The following PHACTR2 variants were observed in gnomAD, a reference collection of about 807,000 sequenced individuals.
PHACTR2 encodes the protein chromosome 6 open reading frame 56.
PHACTR2 carries 30 observed loss-of-function variants against 76.0 expected under a neutral mutation model. That is an observed-to-expected ratio of 0.39 (90% CI 0.30 to 0.54). PHACTR2 has a LOEUF of 0.54. Ranked by LOEUF, PHACTR2 falls within the 20% of genes least tolerant of loss-of-function variation. PHACTR2 has a pLI of 0.61. For synonymous variants in PHACTR2, 292 were observed against 292.5 expected (o/e 1.00, Z 0.02); for missense variants, 696 against 781.1 (o/e 0.89, Z 1.30).
intron 1 of PHACTR2, among the ~76,000 whole-genome samples, chr6:143,692,440 G>C (rs1052306135): frequency 6.6e-6 from 1 of 152,112 alleles, no homozygotes; most frequent in African/African-American, 2.4e-5. Flanking sequence ...TTTCCTAAAG[G>C]CCTCTAAACC....
At chr6:143,790,972 C>T (rs754749102) in intron 11 of PHACTR2, among the ~76,000 whole-genome samples, 15 of 152,160 alleles carry the variant, frequency 9.9e-5, no homozygotes, top group Non-Finnish European at 2.2e-4. Flanking sequence ...CCATGGCGCC[C>T]GGCCAACAAG....
At position 143,809,489 on chromosome 6, in the gene PHACTR2, G is replaced by C. The variant is rs1776132648; in HGVS notation, c.1922+2356G>C. ...GTCTACCAAAGTGTTGTGATTAAAG[G>C]CATGAGCCACTGCACCTGGCTTCTT... is the stretch of plus-strand genomic sequence containing the variant. On this transcript the variant is annotated intron_variant, in intron 12 of 12. Transcript: ENST00000440869. The surrounding 1 kb of genome is among the most constrained non-coding windows in gnomAD (Gnocchi z 4.2). 6.6e-6 allele frequency among the ~76,000 whole-genome samples: 1 copy of C among 152,046 alleles called. No homozygotes were observed. Among genetic ancestry groups the C allele is most frequent in the South Asian group, 2.1e-4 (1 of 4,824 alleles).
At chr6:143,635,316 A>ATG (rs71834478) in intron 1 of PHACTR2, among the ~76,000 whole-genome samples, 10,366 of 149,836 alleles carry the variant, frequency 0.069, 407 homozygotes, top group South Asian at 0.14. Flanking sequence ...AGCATTTAGG[A>ATG]TGTGTGTGTG....
At chr6:143,584,570 C>G (rs1293001359) in intron 1 of PHACTR2, among the ~76,000 whole-genome samples, 1 of 152,196 alleles carries the variant, frequency 6.6e-6, no homozygotes, top group Non-Finnish European at 1.5e-5. Context: ...GCCTAGAAGA[C>G]CTCAGAAGGT....
intron 2 of PHACTR2, among the ~76,000 whole-genome samples, chr6:143,737,755 T>C (rs536579477): frequency 6.6e-6 from 1 of 152,366 alleles, no homozygotes; most frequent in African/African-American, 2.4e-5. Context: ...ACTACCCATT[T>C]TCCTATCACT....
chr6:143,757,528 A>G lies in PHACTR2; in HGVS notation c.455-2873A>G, dbSNP rs1222215244. Among the ~76,000 whole-genome samples, 1 of 152,224 alleles carries G rather than the reference A, an allele frequency of 6.6e-6. No homozygotes were observed. The highest frequency in any genetic ancestry group is 2.4e-5 in the African/African-American group (1 of 41,464). On this transcript the variant is annotated intron_variant, in intron 4 of 12. Transcript: ENST00000440869. This position sits in a 1 kb window ranked among gnomAD's most constrained non-coding sequence, Gnocchi z 4.2. ...CTTGTTCTAAGTATCGTTGACCTCA[A>G]ACCTTCCAGGGCTCAAAGGAGCCAA... is the stretch of plus-strand genomic sequence containing the variant.
Position 143,610,502 on chromosome 6 carries a change from C to G in PHACTR2, c.13+2180C>G, listed in dbSNP as rs1383939827. On this transcript the variant is annotated intron_variant, in intron 1 of 11. Coordinates refer to the PHACTR2 transcript ENST00000305766. This position sits in a 1 kb window ranked among gnomAD's most constrained non-coding sequence, Gnocchi z 4.9. The stretch of plus-strand genomic sequence containing the variant: ...CCAGACCTTCTTCTAGCAAGGCTTT[C>G]TGTGTGGGAGTTTGGATAATTGACA... Among the ~76,000 whole-genome samples the G allele has an allele frequency of 6.6e-6, 1 of 152,328 alleles. No individual in the cohort carries two copies. Among genetic ancestry groups the G allele is most frequent in the African/African-American group, 2.4e-5 (1 of 41,566 alleles).
chr6:143,587,302 C>T (rs1329625552), intron 1 of PHACTR2, among the ~76,000 whole-genome samples: 1 of 152,230 alleles, frequency 6.6e-6, no homozygotes, highest in Admixed American at 6.5e-5. Context: ...ATGTTAACAT[C>T]AGGCATAGAC....
upstream of PHACTR2, among the ~76,000 whole-genome samples, chr6:143,605,338 G>A (rs928677910): frequency 6.6e-5 from 10 of 152,164 alleles, no homozygotes; most frequent in Admixed American, 5.2e-4. The surrounding 1 kb of genome is among the most constrained non-coding windows in gnomAD (Gnocchi z 5.0). Context: ...TAGGCTTATC[G>A]ATGCCTCTAC....
Position 143,750,433 on chromosome 6 carries a change from T to C in PHACTR2, c.295+1368T>C, listed in dbSNP as rs1779157694. On this transcript the variant is annotated intron_variant, in intron 3 of 12. Coordinates refer to ENST00000440869, the MANE Select transcript of PHACTR2 (RefSeq NM_001100164.2). The surrounding 1 kb of genome is among the most constrained non-coding windows in gnomAD (Gnocchi z 4.6). ...AGGCAATAGAGAAATAATATACCCA[T>C]TGAAAGCTTAACACTGGGCCATCAG... Among the ~76,000 whole-genome samples, 1 of 152,320 alleles carries C rather than the reference T, an allele frequency of 6.6e-6. No homozygotes were observed. The highest frequency in any genetic ancestry group is 6.5e-5 in the Admixed American group (1 of 15,290).
At chr6:143,665,468 A>G (rs919950506) in intron 1 of PHACTR2, among the ~76,000 whole-genome samples, 11 of 152,160 alleles carry the variant, frequency 7.2e-5, no homozygotes, top group African/African-American at 2.2e-4. Flanking sequence ...CTAATTTTCT[A>G]TTCCAAATCC....
intron 1 of PHACTR2, among the ~76,000 whole-genome samples, chr6:143,640,531 A>G (rs1483287794): frequency 6.6e-6 from 1 of 152,238 alleles, no homozygotes; most frequent in Non-Finnish European, 1.5e-5. Flanking sequence ...TGGAAGGTGA[A>G]GCAGACCTCA....
Position 143,743,291 on chromosome 6 carries a change from A to T in PHACTR2, c.215-5694A>T, listed in dbSNP as rs545331138. On this transcript the variant is annotated intron_variant, in intron 2 of 12. Coordinates refer to ENST00000440869, the MANE Select transcript of PHACTR2 (RefSeq NM_001100164.2). The surrounding 1 kb of genome is among the most constrained non-coding windows in gnomAD (Gnocchi z 5.0). The stretch of plus-strand genomic sequence containing the variant: ...AGAAGTAAAGTTTGACTTTAACACC[A>T]GGCTTGCAAAAAAGAGATGGAAGGA... Among the ~76,000 whole-genome samples the T allele has an allele frequency of 1.3e-5, 2 of 152,358 alleles. No individual in the cohort carries two copies. The highest frequency in any genetic ancestry group is 3.9e-4 in the East Asian group (2 of 5,192).
intron 1 of PHACTR2, among the ~76,000 whole-genome samples, chr6:143,702,672 G>A (rs1777941921): frequency 6.6e-6 from 1 of 150,892 alleles, no homozygotes; most frequent in Admixed American, 6.6e-5. Flanking sequence ...AAACATGATA[G>A]TTGTCCCATG....
intron 1 of PHACTR2, among the ~76,000 whole-genome samples, chr6:143,707,496 TACA>T (rs1408741004): frequency 3.9e-5 from 6 of 152,222 alleles, no homozygotes; most frequent in African/African-American, 1.4e-4. Flanking sequence ...GTCCTTCAGT[TACA>T]ACATTTGTGA....
rs984686489 is a variant in PHACTR2, at chr6:143,695,063, C to T, written c.46+16854C>T. On this transcript the variant is annotated intron_variant, in intron 1 of 12. Coordinates refer to ENST00000440869, the MANE Select transcript of PHACTR2 (RefSeq NM_001100164.2). The surrounding 1 kb of genome is among the most constrained non-coding windows in gnomAD (Gnocchi z 4.4). ...GCATCAGAATCTAGTGACCCTAGGTCCTTTTGTAAAATGATTAAAACTCTC... is the reference window on the plus strand; with the variant it reads ...GCATCAGAATCTAGTGACCCTAGGTTCTTTTGTAAAATGATTAAAACTCTC... Among the ~76,000 whole-genome samples, 13 of 152,138 alleles carry T rather than the reference C, an allele frequency of 8.5e-5. No homozygotes were observed. The highest frequency in any genetic ancestry group is 1.8e-4 in the Non-Finnish European group (12 of 68,028).
In PHACTR2 at chr6:143,602,512, A is replaced by C. The variant is rs1775824139; in HGVS notation, c.217+65305A>C. ...AGCCATTACTACATAGGAGCTGCGC[A>C]TCTGGCCTTGACCTCTGCTTTTGTC... On this transcript the variant is annotated intron_variant, in intron 1 of 11. Transcript: ENST00000367584. The surrounding 1 kb of genome is among the most constrained non-coding windows in gnomAD (Gnocchi z 6.1). Among the ~76,000 whole-genome samples, 1 of 152,176 alleles carries C rather than the reference A, an allele frequency of 6.6e-6. No homozygotes were observed. Among genetic ancestry groups the C allele is most frequent in the South Asian group, 2.1e-4 (1 of 4,830 alleles).
chr6:143,637,371 A>C (rs1402410571), intron 1 of PHACTR2, among the ~76,000 whole-genome samples: 1 of 152,174 alleles, frequency 6.6e-6, no homozygotes, highest in Non-Finnish European at 1.5e-5. Flanking sequence ...AAAAGGATGA[A>C]GGAAAGTAAA....
Position 143,537,380 on chromosome 6 carries a change from G to C in PHACTR2, c.217+173G>C, listed in dbSNP as rs1396201396. 3.3e-5 allele frequency among the ~76,000 whole-genome samples: 5 copies of C among 152,052 alleles called. No individual in the cohort carries two copies. Among genetic ancestry groups the C allele is most frequent in the Non-Finnish European group, 5.9e-5 (4 of 67,968 alleles). ...GAACTCCCCACACTGCCGCCTCCTCGGCCGCCCGGGCTCGGCGACCCTAGG... is the reference window on the plus strand; with the variant it reads ...GAACTCCCCACACTGCCGCCTCCTCCGCCGCCCGGGCTCGGCGACCCTAGG... On this transcript the variant is annotated intron_variant, in intron 1 of 11. Transcript: ENST00000367584. The surrounding 1 kb of genome is among the most constrained non-coding windows in gnomAD (Gnocchi z 4.4).
Sources: gnomAD v4.1 joint callset for allele counts (sites outside exome capture counted in the v4.1 genomes callset) on GRCh38, gnomAD v4.1.1 for gene constraint, Gnocchi (gnomAD v3.1) non-coding constraint, MANE v1.5 for transcripts, NCBI Gene and HGNC (gene_info 2026-07-23, HGNC 2026-07-21) for gene names.